NXPE2: variants seen among roughly 807,000 people sequenced by gnomAD.
NXPE2 encodes the protein neurexophilin and PC-esterase domain family member 2, also known as NXPE family member 2.
In NXPE2, 34 loss-of-function variants were observed where a neutral mutation model predicts 34.4. The ratio of observed to expected loss-of-function variants is 0.99; its 90% CI spans 0.75 to 1.31. The LOEUF (loss-of-function observed/expected upper bound fraction) is 1.31, where lower values mean the gene tolerates loss of function less well. Ranked by LOEUF, NXPE2 falls within the 40% of genes most tolerant of loss-of-function variation. The pLI is 0.00. For synonymous variants in NXPE2, 235 were observed against 231.3 expected (o/e 1.02, Z -0.15); for missense variants, 649 against 672.5 (o/e 0.97, Z 0.39).
chr11:114,713,439 A>C, the NXPE2 span, among the ~76,000 whole-genome samples: 2 of 152,160 alleles, frequency 1.3e-5, no homozygotes, highest in African/African-American at 2.4e-5. Context: ...TTGTCCCTCT[A>C]TGTATGTGGG....
chr11:114,577,717 T>C, the NXPE2 span, among the ~76,000 whole-genome samples: 1 of 152,132 alleles, frequency 6.6e-6, no homozygotes, highest in Admixed American at 6.6e-5. Context: ...GTACATTTTG[T>C]TGATTGTAGA....
the NXPE2 span, among the ~76,000 whole-genome samples, chr11:114,642,736 G>A: frequency 2.0e-5 from 3 of 152,046 alleles, no homozygotes; most frequent in African/African-American, 7.2e-5. Flanking sequence ...GTGTGCATGT[G>A]TCTTTATAGT....
the NXPE2 span, among the ~76,000 whole-genome samples, chr11:114,628,330 A>G: frequency 3.3e-5 from 5 of 152,132 alleles, no homozygotes; most frequent in Admixed American, 6.5e-5. Context: ...CTCTCAGACC[A>G]CAGTGCAATC....
At chr11:114,649,977 C>T in the NXPE2 span, among the ~76,000 whole-genome samples, 1 of 152,114 alleles carries the variant, frequency 6.6e-6, no homozygotes, top group Non-Finnish European at 1.5e-5. Flanking sequence ...GTAAAATATG[C>T]ATCCCATAGA....
At chr11:114,696,057 C>T (rs1951246768) in intron 2 of NXPE2, among the ~76,000 whole-genome samples, 1 of 151,708 alleles carries the variant, frequency 6.6e-6, no homozygotes. Context: ...AGAAATCAGG[C>T]TGAGCTCAGT....
At chr11:114,553,564 A>T in the NXPE2 span, 1 of 250,362 alleles carries the variant, frequency 4.0e-6, no homozygotes. Context: ...TTATTTTTGC[A>T]TCTATTTTCT....
chr11:114,628,760 T>G, the NXPE2 span, among the ~76,000 whole-genome samples: 2 of 150,956 alleles, frequency 1.3e-5, no homozygotes, highest in East Asian at 3.9e-4. Context: ...ATCAACAAAA[T>G]TGATAGAAAG....
the NXPE2 span, among the ~76,000 whole-genome samples, chr11:114,611,026 C>T: frequency 6.6e-6 from 1 of 151,620 alleles, no homozygotes; most frequent in East Asian, 1.9e-4. Context: ...TGGGTCACAA[C>T]TCTTACTCTG....
chr11:114,536,758 A>G, the NXPE2 span, among the ~76,000 whole-genome samples: 3 of 152,368 alleles, frequency 2.0e-5, no homozygotes, highest in East Asian at 5.8e-4. Flanking sequence ...TGAATAGACC[A>G]ATAACAGGCT....
chr11:114,732,936 T>A, the NXPE2 span, among the ~76,000 whole-genome samples: 5 of 152,322 alleles, frequency 3.3e-5, no homozygotes, highest in South Asian at 1.0e-3. Flanking sequence ...AACCTGTTCT[T>A]ATTTAATTCA....
chr11:114,529,550 CCTG>C, the NXPE2 span: 34,261 of 152,026 alleles, frequency 0.23, 5,389 homozygotes, highest in African/African-American at 0.44. Flanking sequence ...TTTGTGGAGG[CCTG>C]TTGAACCAGG....
At chr11:114,498,268 T>C in the NXPE2 span, among the ~76,000 whole-genome samples, 1 of 152,096 alleles carries the variant, frequency 6.6e-6, no homozygotes, top group Non-Finnish European at 1.5e-5. Context: ...CATTTAACAA[T>C]AATTTATTGT....
the NXPE2 span, among the ~76,000 whole-genome samples, chr11:114,782,720 A>G: frequency 6.6e-6 from 1 of 152,216 alleles, no homozygotes; most frequent in Non-Finnish European, 1.5e-5. Context: ...GTCCTAAGGA[A>G]GATAAATTTC....
downstream of NXPE2, among the ~76,000 whole-genome samples, chr11:114,708,387 C>T (rs1219402656): frequency 6.6e-6 from 1 of 152,062 alleles, no homozygotes; most frequent in Non-Finnish European, 1.5e-5. Context: ...AATTTTGTCT[C>T]TAAATCTTCC....
chr11:114,726,445 C>T, the NXPE2 span, among the ~76,000 whole-genome samples: 1 of 152,008 alleles, frequency 6.6e-6, no homozygotes, highest in Non-Finnish European at 1.5e-5. Flanking sequence ...CTCCTGGTCT[C>T]ATGTAATCTT....
the NXPE2 span, among the ~76,000 whole-genome samples, chr11:114,664,484 G>A: frequency 1.3e-5 from 2 of 152,080 alleles, no homozygotes; most frequent in South Asian, 2.1e-4. Flanking sequence ...CACGTAAATT[G>A]CACCTCAATA....
the NXPE2 span, among the ~76,000 whole-genome samples, chr11:114,765,253 T>C: frequency 8.2e-6 from 1 of 121,950 alleles, no homozygotes; most frequent in African/African-American, 2.7e-5. Flanking sequence ...AATACAGACA[T>C]ACTTTTTTTA....
the NXPE2 span, among the ~76,000 whole-genome samples, chr11:114,591,123 C>T: frequency 2.0e-5 from 3 of 152,206 alleles, no homozygotes; most frequent in East Asian, 3.9e-4. Context: ...AGCAAGAAGT[C>T]CATAAGGCAG....
the NXPE2 span, among the ~76,000 whole-genome samples, chr11:114,578,633 T>C: frequency 2.0e-5 from 3 of 152,276 alleles, no homozygotes; most frequent in African/African-American, 7.2e-5. Flanking sequence ...AGATCATGAG[T>C]GGCCTCATTT....
Sources: allele counts gnomAD v4.1 joint callset (sites outside exome capture counted in the v4.1 genomes callset), GRCh38; gene constraint gnomAD v4.1.1; transcripts MANE v1.5; gene names NCBI Gene and HGNC (gene_info 2026-07-23, HGNC 2026-07-21).